The following CYP2J2 variants were observed in gnomAD, a reference collection of about 807,000 sequenced individuals.
CYP2J2 encodes the protein cytochrome P450 family 2 subfamily J member 2.
A neutral mutation model predicts 48.8 loss-of-function variants in CYP2J2; 41 were observed. The ratio of observed to expected loss-of-function variants is 0.84; its 90% CI spans 0.66 to 1.09. The LOEUF (loss-of-function observed/expected upper bound fraction) is 1.09. CYP2J2 is among the 50% of genes least tolerant of loss of function. The probability of loss-of-function intolerance (pLI) is 0.00; values close to 1 mark genes in which losing one functional copy is unlikely to be tolerated. For synonymous variants in CYP2J2, 221 were observed against 227.1 expected (o/e 0.97, Z 0.24); for missense variants, 644 against 617.3 (o/e 1.04, Z -0.46).
chr1:59,902,190 T>C (rs1292246154), intron 7 of CYP2J2, among the ~76,000 whole-genome samples: 1 of 152,184 alleles, frequency 6.6e-6, no homozygotes, highest in Non-Finnish European at 1.5e-5. Context: ...TCACTTCCTT[T>C]TGGAAGCCTT....
chr1:59,900,977 G>C lies in CYP2J2; in HGVS notation c.1318C>G (p.Pro440Ala). The change falls in exon 8 of 9, where the codon CCT becomes GCT. Residue 440 changes from proline to alanine, a missense_variant. Pro to Ala is a conservative substitution (Grantham distance 27). Transcript: ENST00000371204. ...GQFKKREAFM[P>A]FSIGKRACLG... ...TACTACAACTTACCTATTGAGAAAG[G>C]CATAAAGGCTTCCCTTTTCTTAAAC... The C allele has an allele frequency of 6.2e-7, 1 of 1,614,108 alleles. No homozygotes were observed. Among genetic ancestry groups the C allele is most frequent in the African/African-American group, 1.3e-5 (1 of 75,052 alleles).
At chr1:59,969,189 T>C in the CYP2J2 span, among the ~76,000 whole-genome samples, 1 of 152,184 alleles carries the variant, frequency 6.6e-6, no homozygotes, top group African/African-American at 2.4e-5. Context: ...ACTTCCACAG[T>C]ATGAAAGGGG....
Position 59,911,694 on chromosome 1 carries a change from G to C in CYP2J2, c.598C>G (p.Arg200Gly). 2 of 1,613,534 alleles carry C rather than the reference G, an allele frequency of 1.2e-6. No individual in the cohort carries two copies. The highest frequency in any genetic ancestry group is 1.7e-6 in the Non-Finnish European group (2 of 1,179,600). The change falls in exon 4 of 9, where the codon CGC becomes GGC. Residue 200 changes from arginine to glycine, a missense_variant. Arg to Gly is a moderately radical substitution (Grantham distance 125, BLOSUM62 -2). Coordinates refer to ENST00000371204, the MANE Select transcript of CYP2J2 (RefSeq NM_000775.4). ...AACCAACTATCCTGGTACTCAAAGC[G>C]TTCTCCGAAGGTGATGGAGCAAATG... ...NIICSITFGE[R>G]FEYQDSWFQQ...
intron 1 of CYP2J2, among the ~76,000 whole-genome samples, chr1:59,918,845 AAAATTCC>A (rs1644488726): frequency 6.6e-6 from 1 of 152,232 alleles, no homozygotes; most frequent in African/African-American, 2.4e-5. Context: ...GCTAGGAATA[AAAATTCC>A]AAATGTAGCA....
chr1:59,926,615 C>A lies in CYP2J2; in HGVS notation c.132G>T (p.Pro44=). 1.9e-6 allele frequency: 3 copies of A among 1,614,158 alleles called. No homozygotes were observed. In the Admixed American group the frequency reaches 5.0e-5, roughly 27 times the overall value. The change falls in exon 1 of 9, where the codon CCG becomes CCT. Residue 44 remains proline, a synonymous_variant. Coordinates refer to ENST00000371204, the MANE Select transcript of CYP2J2 (RefSeq NM_000775.4). ...FLKRRRPKNY[P]PGPWRLPFLG... ...GGAAGGGCAGGCGCCAGGGCCCCGG[C>A]GGGTAGTTCTTTGGGCGCCGTCTTT...
At chr1:59,912,409 G>A in intron 2 of CYP2J2, 98 bp from the exon 3 acceptor site, 1 of 1,325,268 alleles carries the variant, frequency 7.5e-7, no homozygotes, top group Non-Finnish European at 1.0e-6. Context: ...GACAGGAGAA[G>A]ATCATTAAGG....
chr1:59,947,046 T>C, the CYP2J2 span, among the ~76,000 whole-genome samples: 1 of 152,118 alleles, frequency 6.6e-6, no homozygotes, highest in African/African-American at 2.4e-5. Context: ...AAACTATTCA[T>C]CCATTAAGTG....
Position 59,904,916 on chromosome 1 carries a change from C to T in CYP2J2, c.1146G>A (p.Arg382=). 1.2e-6 allele frequency: 2 copies of T among 1,613,762 alleles called. No individual in the cohort carries two copies. The highest frequency in any genetic ancestry group is 1.7e-6 in the Non-Finnish European group (2 of 1,179,872). Residue 382 remains arginine, a synonymous_variant, in exon 7 of 9, where the codon AGG becomes AGA. Coordinates refer to ENST00000371204, the MANE Select transcript of CYP2J2 (RefSeq NM_000775.4). The part of the protein sequence containing the change: ...MGNIIPLNVP[R]EVTVDTTLAG... Reference sequence around the variant, plus strand: ...CCAAAGTGGTATCAACTGTCACTTCCCTGGGAACGTTCAGGGGGATGATGT... The same window carrying T: ...CCAAAGTGGTATCAACTGTCACTTCTCTGGGAACGTTCAGGGGGATGATGT...
At position 59,926,773 on chromosome 1, in the gene CYP2J2, C is replaced by T. The variant is rs370334290; in HGVS notation, c.-27G>A. 70 of 1,586,796 alleles carry T rather than the reference C, an allele frequency of 4.4e-5. 1 individual carries two copies. In the East Asian group the frequency reaches 1.3e-3, roughly 30 times the overall value. On this transcript the variant is annotated 5_prime_UTR_variant, in exon 1 of 9. Transcript: ENST00000371204. ...GCTCAGACGTCCTCCTGCTCTTCTG[C>T]GGTCCAAGCAGGCGGCGGTCCCAGC... is the stretch of plus-strand genomic sequence containing the variant.
At chr1:59,956,976 G>A in the CYP2J2 span, among the ~76,000 whole-genome samples, 1 of 152,118 alleles carries the variant, frequency 6.6e-6, no homozygotes, top group Non-Finnish European at 1.5e-5. Context: ...GGGATCACAT[G>A]GAAAAGCCCT....
the CYP2J2 span, among the ~76,000 whole-genome samples, chr1:59,961,048 C>T: frequency 6.6e-6 from 1 of 152,082 alleles, no homozygotes; most frequent in Non-Finnish European, 1.5e-5. Context: ...TTGAAGAAAA[C>T]ATGGAAGTAA....
At chr1:59,911,914 A>G (rs1230081267) in intron 3 of CYP2J2, 146 bp from the exon 4 acceptor site, 8 of 903,860 alleles carry the variant, frequency 8.9e-6, no homozygotes, top group Middle Eastern at 2.7e-4. Flanking sequence ...TGCATCTGAC[A>G]TACAACAAGT....
intron 8 of CYP2J2, among the ~76,000 whole-genome samples, chr1:59,894,474 T>C (rs969899919): frequency 2.0e-5 from 3 of 152,156 alleles, no homozygotes; most frequent in Admixed American, 1.3e-4. Context: ...AGCTGACACC[T>C]AGCATTGCCC....
chr1:59,928,279 A>G (rs1025826236), upstream of CYP2J2, among the ~76,000 whole-genome samples: 7 of 152,224 alleles, frequency 4.6e-5, no homozygotes, highest in Admixed American at 2.6e-4. Flanking sequence ...CTAGTAAAAA[A>G]TTGTGATTGC....
At chr1:59,939,918 G>A in the CYP2J2 span, among the ~76,000 whole-genome samples, 25 of 152,218 alleles carry the variant, frequency 1.6e-4, no homozygotes, top group African/African-American at 1.2e-4. Context: ...TGGCCTGAGG[G>A]CTTTTCAGTC....
the CYP2J2 span, among the ~76,000 whole-genome samples, chr1:59,952,083 C>G: frequency 6.6e-6 from 1 of 152,114 alleles, no homozygotes; most frequent in African/African-American, 2.4e-5. Context: ...CAGGCCCACC[C>G]TGGTCCCAAA....
At position 59,893,736 on chromosome 1, in the gene CYP2J2, T is replaced by C. The variant is rs1644244522; in HGVS notation, c.1424A>G (p.Asn475Ser). The change falls in exon 9 of 9, where the codon AAC becomes AGC. Residue 475 changes from asparagine (N) to serine (S), a missense_variant. Asn to Ser is a conservative substitution (Grantham distance 46). Coordinates refer to ENST00000371204, the MANE Select transcript of CYP2J2 (RefSeq NM_000775.4). ...LMQKFTFRPP[N>S]NEKLSLKFRM... ...AAACTTCAGGCTCAGCTTCTCATTG[T>C]TTGGGGGCCTGAAGGTAAATTTTTG... is the stretch of plus-strand genomic sequence containing the variant. 6.2e-7 allele frequency: 1 copy of C among 1,613,270 alleles called. No individual in the cohort carries two copies. The highest frequency in any genetic ancestry group is 8.5e-7 in the Non-Finnish European group (1 of 1,179,698).
chr1:59,908,806 C>T (rs990644822), intron 5 of CYP2J2, among the ~76,000 whole-genome samples: 7 of 152,148 alleles, frequency 4.6e-5, no homozygotes, highest in Non-Finnish European at 8.8e-5. Context: ...TTAAAGGTCA[C>T]GCATCCCATT....
At chr1:59,927,814 C>G (rs1270623960), upstream of CYP2J2, among the ~76,000 whole-genome samples, 2 of 152,132 alleles carry the variant, frequency 1.3e-5, no homozygotes, top group Non-Finnish European at 2.9e-5. Context: ...CATAGGTGAT[C>G]TGCCCACCTC....
Sources: allele counts gnomAD v4.1 joint callset (sites outside exome capture counted in the v4.1 genomes callset), GRCh38; gene constraint gnomAD v4.1.1; transcripts MANE v1.5; gene names NCBI Gene and HGNC (gene_info 2026-07-23, HGNC 2026-07-21).